Variants in PARP10 observed in about 807,000 individuals in gnomAD.
PARP10 encodes protein mono-ADP-ribosyltransferase PARP10.
Under a neutral mutation model 82.4 loss-of-function variants are expected in PARP10, and 56 were observed. That is an observed-to-expected ratio of 0.68 (90% confidence interval 0.55 to 0.85). The LOEUF (loss-of-function observed/expected upper bound fraction) is 0.85, where lower values mean the gene tolerates loss of function less well. Among genes scored for constraint, PARP10 ranks in the 40% least tolerant of loss-of-function variants. The probability of loss-of-function intolerance (pLI) is 0.00; values close to 1 mark genes in which losing one functional copy is unlikely to be tolerated. For missense variants in PARP10, 1,227 were observed against 1,379.4 expected, an observed-to-expected ratio of 0.89 and a Z score of 1.75; for synonymous variants, 576 against 601.1, an observed-to-expected ratio of 0.96 and a Z score of 0.61.
In PARP10 at chr8:143,986,236, G is replaced by A. The variant is rs373982088; in HGVS notation, c.3-3C>T. ...CCTCTGCCTCCGCCATTGCAACCCTGGGACGGGGCATCAGGTGGGTAGGGA... is the reference window on the plus strand; with the variant it reads ...CCTCTGCCTCCGCCATTGCAACCCTAGGACGGGGCATCAGGTGGGTAGGGA... On this transcript the variant is annotated splice_region_variant and splice_polypyrimidine_tract_variant and intron_variant, in intron 1 of 10. Transcript: ENST00000313028. 2.4e-5 allele frequency: 38 copies of A among 1,613,846 alleles called. No homozygotes were observed. The highest frequency in any genetic ancestry group is 3.1e-5 in the Non-Finnish European group (37 of 1,179,898).
intron 1 of PARP10, among the ~76,000 whole-genome samples, chr8:143,998,993 CTCCT>C (rs34794348): frequency 0.046 from 6,699 of 146,498 alleles, 432 homozygotes; most frequent in African/African-American, 0.12. Context: ...TTAATTCTTT[CTCCT>C]TCCTTCCTTC....
At chr8:143,994,830 C>G (rs528269970), upstream of PARP10, among the ~76,000 whole-genome samples, 1 of 152,142 alleles carries the variant, frequency 6.6e-6, no homozygotes, top group East Asian at 1.9e-4. Context: ...TCTGGGTGCC[C>G]GCCTGTGCTC....
At chr8:143,978,128 G>T in intron 9 of PARP10, 47 bp from the exon 10 acceptor site, 1 of 1,452,954 alleles carries the variant, frequency 6.9e-7, no homozygotes, top group South Asian at 1.4e-5. Context: ...CCTACGCCCT[G>T]GGGCCGACGC....
intron 9 of PARP10, among the ~76,000 whole-genome samples, chr8:143,979,733 A>C (rs1833801446): frequency 6.6e-6 from 1 of 152,178 alleles, no homozygotes; most frequent in African/African-American, 2.4e-5. Context: ...CAACATGGCA[A>C]AACCCCGTCT....
intron 1 of PARP10, among the ~76,000 whole-genome samples, chr8:144,002,957 G>T (rs1834212196): frequency 6.6e-6 from 1 of 152,212 alleles, no homozygotes; most frequent in African/African-American, 2.4e-5. Context: ...AACTGGGAGA[G>T]ATATTCATAA....
intron 1 of PARP10, chr8:144,012,426 C>T: frequency 1.7e-6 from 2 of 1,176,244 alleles, no homozygotes; most frequent in Admixed American, 2.1e-5. Context: ...ACTCTGCACC[C>T]TCCTTCAGCC....
chr8:143,988,642 G>T (rs182772850), upstream of PARP10, among the ~76,000 whole-genome samples: 734 of 150,806 alleles, frequency 4.9e-3, 6 homozygotes, highest in Admixed American at 9.4e-3. Context: ...ATTTTTTTTT[G>T]TATTTTTAGT....
upstream of PARP10, chr8:143,992,857 C>T (rs782809033): frequency 1.5e-5 from 24 of 1,610,442 alleles, no homozygotes; most frequent in Non-Finnish European, 1.9e-5. Flanking sequence ...CTCCAGCTCG[C>T]TGTGCCCGCT....
chr8:144,005,179 A>C (rs1347311563), intron 1 of PARP10, among the ~76,000 whole-genome samples: 2 of 130,466 alleles, frequency 1.5e-5, no homozygotes, highest in Non-Finnish European at 3.1e-5. Flanking sequence ...ACTCAGTCTC[A>C]AAAAAAAAAA....
intron 2 of PARP10, 31 bp downstream of exon 2, chr8:143,986,023 AC>A: frequency 1.2e-6 from 2 of 1,608,524 alleles, no homozygotes; most frequent in Non-Finnish European, 8.5e-7. Context: ...ATATCAGGGC[AC>A]CCAGGCTGTC....
At chr8:143,982,398 C>T (rs1358062031) in intron 9 of PARP10, among the ~76,000 whole-genome samples, 2 of 152,070 alleles carry the variant, frequency 1.3e-5, no homozygotes, top group Non-Finnish European at 2.9e-5. Context: ...GGCGTGAACC[C>T]GGGAGGCGGA....
chr8:143,979,603 T>C (rs1041629500), intron 9 of PARP10, among the ~76,000 whole-genome samples: 1 of 152,146 alleles, frequency 6.6e-6, no homozygotes, highest in Non-Finnish European at 1.5e-5. Flanking sequence ...CCTCTAATTG[T>C]AAAGGGCAAT....
At chr8:143,994,052 T>A (rs1427268528), upstream of PARP10, among the ~76,000 whole-genome samples, 4 of 152,186 alleles carry the variant, frequency 2.6e-5, no homozygotes, top group Non-Finnish European at 5.9e-5. Context: ...ACCTGGCTGG[T>A]CTGAGCCCTG....
intron 9 of PARP10, among the ~76,000 whole-genome samples, chr8:143,980,185 T>G (rs1197719724): frequency 6.6e-6 from 1 of 150,548 alleles, no homozygotes; most frequent in East Asian, 1.9e-4. Flanking sequence ...CTGGGCGTGG[T>G]GGCAGGCGCC....
upstream of PARP10, chr8:143,991,564 A>G (rs782571648): frequency 1.3e-6 from 2 of 1,581,110 alleles, no homozygotes; most frequent in East Asian, 2.2e-5. Context: ...CCCAACCCCT[A>G]TGGACAGCCA....
In PARP10 at chr8:144,012,634, C is replaced by T. The variant is rs376466004; in HGVS notation, c.-184G>A. On this transcript the variant is annotated 5_prime_UTR_variant, in exon 1 of 4. Transcript: ENST00000530478. ...CGGGAGAATCACGAGCTCAAGTCAG[C>T]GATCAAGACTCAGGCAGGCGGGCTC... 2.4e-4 allele frequency: 373 copies of T among 1,551,694 alleles called. 2 individuals are homozygous for T. The African/African-American group carries it at 4.4e-3, about 18-fold the overall frequency.
intron 1 of PARP10, among the ~76,000 whole-genome samples, chr8:144,012,154 G>A (rs1432305676): frequency 6.6e-6 from 1 of 152,258 alleles, no homozygotes; most frequent in African/African-American, 2.4e-5. Context: ...CAGGGGAAGT[G>A]CTATGACACA....
At chr8:143,985,369 G>A (rs782211510) in intron 4 of PARP10, 41 bp from the exon 5 acceptor site, 1 of 1,592,680 alleles carries the variant, frequency 6.3e-7, no homozygotes, top group South Asian at 1.1e-5. Flanking sequence ...TCAGATTTCT[G>A]CAGGAGAGGG....
chr8:143,986,858 A>G, upstream of PARP10: 1 of 178,348 alleles, frequency 5.6e-6, no homozygotes, highest in Non-Finnish European at 1.2e-5. Flanking sequence ...CCCCCGGCCA[A>G]GGCTGGCCTT....
Sources: allele counts gnomAD v4.1 joint callset (sites outside exome capture counted in the v4.1 genomes callset), GRCh38; gene constraint gnomAD v4.1.1; transcripts MANE v1.5; gene names NCBI Gene and HGNC (gene_info 2026-07-23, HGNC 2026-07-21).